Variants in RCL1 observed in about 807,000 individuals in gnomAD.
RCL1 encodes RNA 3'-terminal phosphate cyclase-like protein.
RCL1 carries 24 observed loss-of-function variants against 42.4 expected under a neutral mutation model. That is an observed-to-expected ratio of 0.57 (90% CI 0.41 to 0.80). The LOEUF (loss-of-function observed/expected upper bound fraction) is 0.80. Among genes scored for constraint, RCL1 ranks in the 30% least tolerant of loss-of-function variants. The pLI, the probability that RCL1 is intolerant of heterozygous loss-of-function variation, is 0.00. For missense variants in RCL1, 578 were observed against 467.9 expected (o/e 1.24, Z -2.17); for synonymous variants, 228 against 177.3 (o/e 1.29, Z -2.27).
chr9:4,794,175 G>A (rs892054397), intron 1 of RCL1, among the ~76,000 whole-genome samples: 1 of 152,218 alleles, frequency 6.6e-6, no homozygotes, highest in African/African-American at 2.4e-5. Context: ...GAGCGGCGCT[G>A]ATGTGTTTCA....
intron 8 of RCL1, among the ~76,000 whole-genome samples, chr9:4,858,355 A>G (rs896390844): frequency 6.6e-6 from 1 of 151,898 alleles, no homozygotes; most frequent in East Asian, 1.9e-4. Context: ...TTTAATTTTG[A>G]TGAAGTCCAA....
chr9:4,846,046 A>T (rs569485299), intron 7 of RCL1, among the ~76,000 whole-genome samples: 37 of 152,298 alleles, frequency 2.4e-4, no homozygotes, highest in African/African-American at 8.9e-4. Context: ...TTTATTAATC[A>T]GGGTGGTAGG....
chr9:4,813,810 C>T (rs1027324175), intron 1 of RCL1, among the ~76,000 whole-genome samples: 74 of 152,126 alleles, frequency 4.9e-4, no homozygotes, highest in African/African-American at 1.7e-3. Flanking sequence ...AGTGATAGAC[C>T]GGATTAAGAA....
At chr9:4,853,361 C>T (rs1817820092) in intron 8 of RCL1, among the ~76,000 whole-genome samples, 1 of 148,874 alleles carries the variant, frequency 6.7e-6, no homozygotes, top group South Asian at 2.1e-4. Flanking sequence ...TCTCCTCTGT[C>T]GCCCAGGCTG....
At chr9:4,795,465 A>G (rs1435215951) in intron 1 of RCL1, among the ~76,000 whole-genome samples, 1 of 152,244 alleles carries the variant, frequency 6.6e-6, no homozygotes, top group Non-Finnish European at 1.5e-5. Flanking sequence ...ATGTATACAC[A>G]TACATGTAAG....
At position 4,843,764 on chromosome 9, in the gene RCL1, C is replaced by A. The variant is rs372570302; in HGVS notation, c.711-761C>A. On this transcript the variant is annotated intron_variant, in intron 6 of 8. Coordinates refer to ENST00000381750, the MANE Select transcript of RCL1 (RefSeq NM_005772.5). ...CTTTCTCTCCCCTTCATCTTCTAATCTTCACTTTTGTATGCCACTGCCTGC... is the reference window on the plus strand; with the variant it reads ...CTTTCTCTCCCCTTCATCTTCTAATATTCACTTTTGTATGCCACTGCCTGC... 3.9e-5 allele frequency among the ~76,000 whole-genome samples: 6 copies of A among 152,318 alleles called. No individual in the cohort carries two copies. In the East Asian group the frequency reaches 1.2e-3, roughly 29 times the overall value.
At chr9:4,847,056 T>A (rs1475380532) in intron 7 of RCL1, among the ~76,000 whole-genome samples, 1 of 152,012 alleles carries the variant, frequency 6.6e-6, no homozygotes, top group African/African-American at 2.4e-5. Context: ...ATTTTGTATT[T>A]TTAGTAGAGA....
intron 1 of RCL1, among the ~76,000 whole-genome samples, chr9:4,800,837 A>G (rs912651392): frequency 6.6e-5 from 10 of 151,680 alleles, no homozygotes; most frequent in Non-Finnish European, 1.2e-4. Flanking sequence ...TATTTTTGGT[A>G]GAGACGGGGT....
At chr9:4,821,468 C>T (rs1482522364) in intron 1 of RCL1, among the ~76,000 whole-genome samples, 2 of 152,110 alleles carry the variant, frequency 1.3e-5, no homozygotes, top group African/African-American at 4.8e-5. Context: ...ATAACAATGT[C>T]ACAGGCACAG....
chr9:4,826,547 G>T (rs1309263076), intron 2 of RCL1, among the ~76,000 whole-genome samples: 2 of 152,172 alleles, frequency 1.3e-5, no homozygotes, highest in African/African-American at 4.8e-5. Flanking sequence ...AGAATGTGCT[G>T]TTGGGAGACT....
At chr9:4,834,747 T>G (rs1293984502) in intron 5 of RCL1, among the ~76,000 whole-genome samples, 1 of 152,224 alleles carries the variant, frequency 6.6e-6, no homozygotes, top group African/African-American at 2.4e-5. Flanking sequence ...TAATGAATGA[T>G]ATCTACTATT....
chr9:4,820,276 G>T (rs1816546344), intron 1 of RCL1, among the ~76,000 whole-genome samples: 1 of 152,176 alleles, frequency 6.6e-6, no homozygotes, highest in Non-Finnish European at 1.5e-5. Context: ...ACACAGGTTG[G>T]CCTAGTAAAG....
Position 4,856,783 on chromosome 9 carries a change from T to C in RCL1, c.972-3342T>C, listed in dbSNP as rs1015549705. On this transcript the variant is annotated intron_variant, in intron 8 of 8. Transcript: ENST00000381750. ...AAAGCAAGGAATTGGGGGATTTTTC[T>C]ATGAGCATCCAGCACTGACCAGAAC... 2.0e-5 allele frequency among the ~76,000 whole-genome samples: 3 copies of C among 152,338 alleles called. No individual in the cohort carries two copies. In the East Asian group the frequency reaches 5.8e-4, roughly 29 times the overall value.
chr9:4,793,011 A>T lies in RCL1; in HGVS notation c.-81A>T. ...CGCCGCCGTCGGTGTCGCCGCCACC[A>T]CCACCATCGGAGTCACGAGTCCCGC... On this transcript the variant is annotated 5_prime_UTR_variant, in exon 1 of 9. Transcript: ENST00000381750. 6.7e-7 allele frequency: 1 copy of T among 1,484,032 alleles called. No homozygotes were observed. 91.9% of individuals were successfully genotyped at this position (1,484,032 alleles called of 1,614,324 possible).
At chr9:4,852,427 C>A (rs1402049617) in intron 8 of RCL1, among the ~76,000 whole-genome samples, 1 of 152,174 alleles carries the variant, frequency 6.6e-6, no homozygotes, top group Non-Finnish European at 1.5e-5. Flanking sequence ...TCTTAATTAG[C>A]ACTTTCAGAA....
intron 1 of RCL1, among the ~76,000 whole-genome samples, chr9:4,796,846 G>A (rs550049427): frequency 7.6e-4 from 116 of 152,244 alleles, no homozygotes; most frequent in Middle Eastern, 3.4e-3. Flanking sequence ...ACAAGTACAG[G>A]TGCCTTTTTT....
chr9:4,851,506 G>A (rs916786373), intron 8 of RCL1, among the ~76,000 whole-genome samples: 3 of 152,248 alleles, frequency 2.0e-5, no homozygotes, highest in African/African-American at 7.2e-5. Context: ...GGCAAAGGCA[G>A]GATGCAGCAG....
chr9:4,817,592 G>A (rs564960033), intron 1 of RCL1, among the ~76,000 whole-genome samples: 1 of 151,806 alleles, frequency 6.6e-6, no homozygotes, highest in Admixed American at 6.6e-5. Context: ...TCCTGCCTCA[G>A]CTCTACCTCA....
chr9:4,838,377 C>T lies in RCL1; in HGVS notation c.585-2855C>T, dbSNP rs58426133. Among the ~76,000 whole-genome samples the T allele has an allele frequency of 2.0e-3, 298 of 152,322 alleles. 2 individuals are homozygous for T. The highest frequency in any genetic ancestry group is 6.9e-3 in the African/African-American group (286 of 41,570). On this transcript the variant is annotated intron_variant, in intron 5 of 8. Transcript: ENST00000381750. ...TTAATGCCACCCACTCTTTCTCACC[C>T]CTGCCTTATGTGGGGCGTAAGAGAA...
Sources: allele counts gnomAD v4.1 joint callset (sites outside exome capture counted in the v4.1 genomes callset), GRCh38; gene constraint gnomAD v4.1.1; transcripts MANE v1.5; gene names NCBI Gene and HGNC (gene_info 2026-07-23, HGNC 2026-07-21).